ADAM20: variants seen among roughly 807,000 people sequenced by gnomAD.
ADAM20 encodes the protein disintegrin and metalloproteinase domain-containing protein 20.
For missense variants in ADAM20, 871 were observed against 883.2 expected (o/e 0.99, Z 0.18); for synonymous variants, 305 against 310.2 (o/e 0.98, Z 0.18).
At chr14:70,573,251 C>T in the ADAM20 span, among the ~76,000 whole-genome samples, 2 of 152,080 alleles carry the variant, frequency 1.3e-5, no homozygotes, top group African/African-American at 2.4e-5. Context: ...TACTACACAG[C>T]CATAAAAAAT....
rs747551951 is a variant in ADAM20 at position 70,522,633 on chromosome 14, A to G, written c.2125T>C (p.Cys709Arg). ...CGTTTCTTAAAAAGCACATGTAAGCAAAATAATAAAAAAGCAACCAAAGGA... is the reference window on the plus strand; with the variant it reads ...CGTTTCTTAAAAAGCACATGTAAGCGAAATAATAAAAAAGCAACCAAAGGA... ...LLPLVAFLLF[C>R]LHVLFKKRTK... Residue 709 changes from cysteine (C) to arginine (R), a missense_variant, in exon 2 of 2, where the codon TGC becomes CGC. By Grantham distance (180) the Cys-to-Arg change is radical (BLOSUM62 -3). Coordinates refer to ENST00000256389, the MANE Select transcript of ADAM20 (RefSeq NM_003814.5). The G allele has an allele frequency of 1.9e-6, 3 of 1,613,808 alleles. No homozygotes were observed. The South Asian group carries it at 3.3e-5, about 18-fold the overall frequency.
chr14:70,559,163 A>G, the ADAM20 span, among the ~76,000 whole-genome samples: 3 of 152,150 alleles, frequency 2.0e-5, no homozygotes, highest in East Asian at 1.9e-4. Flanking sequence ...CTGAAAATAA[A>G]TATGTCCAAA....
chr14:70,523,071 T>C lies in ADAM20; in HGVS notation c.1687A>G (p.Arg563Gly). The change falls in exon 2 of 2, where the codon AGG (arginine) becomes GGG (glycine). Residue 563 changes from arginine to glycine, a missense_variant. By Grantham distance (125) the Arg-to-Gly change is moderately radical. Coordinates refer to ENST00000256389, the MANE Select transcript of ADAM20 (RefSeq NM_003814.5). The part of the protein sequence containing the change: ...KCWTPDIMCG[R>G]VQCENVGVIP... ...ACTCCCACATTTTCACACTGAACCC[T>C]CCCACACATGATATCAGGGGTCCAA... 3 of 1,613,956 alleles carry C rather than the reference T, an allele frequency of 1.9e-6. No individual in the cohort carries two copies. Among genetic ancestry groups the C allele is most frequent in the Non-Finnish European group, 2.5e-6 (3 of 1,179,940 alleles).
intron 1 of ADAM20, 105 bp from the exon 2 acceptor site, chr14:70,525,038 C>T (rs1329565898): frequency 2.0e-6 from 2 of 986,124 alleles, no homozygotes; most frequent in African/African-American, 1.6e-5. Flanking sequence ...CAATAAAATG[C>T]ATTAGGATTC....
At chr14:70,526,074 T>G (rs1003105794) in intron 1 of ADAM20, among the ~76,000 whole-genome samples, 1 of 152,216 alleles carries the variant, frequency 6.6e-6, no homozygotes, top group African/African-American at 2.4e-5. Flanking sequence ...ATTCTAATGT[T>G]CAGAAGACCA....
chr14:70,534,685 T>A (rs1391064099), intron 1 of ADAM20, 112 bp downstream of exon 1: 2 of 152,342 alleles, frequency 1.3e-5, no homozygotes, highest in East Asian at 3.9e-4. Flanking sequence ...GAGGAGTTCC[T>A]GTTCAATGGA....
the ADAM20 span, among the ~76,000 whole-genome samples, chr14:70,540,370 A>C: frequency 3.9e-5 from 6 of 152,236 alleles, no homozygotes; most frequent in African/African-American, 1.2e-4. Flanking sequence ...CTTAAATCAA[A>C]TATTTTTAAG....
chr14:70,523,112 G>A lies in ADAM20; in HGVS notation c.1646C>T (p.Thr549Ile). 6.2e-7 allele frequency: 1 copy of A among 1,614,002 alleles called. No homozygotes were observed. The highest frequency in any genetic ancestry group is 8.5e-7 in the Non-Finnish European group (1 of 1,179,960). The change falls in exon 2 of 2, where the codon ACA becomes ATA. Residue 549 changes from threonine (T) to isoleucine (I), a missense_variant. Physicochemically the swap from Thr to Ile is moderately conservative, Grantham distance 89. Coordinates refer to ENST00000256389, the MANE Select transcript of ADAM20 (RefSeq NM_003814.5). ...NRFGHCGIVGTTYVKCWTPDI... is the reference protein window; with the variant it reads ...NRFGHCGIVGITYVKCWTPDI... ...AGGGGTCCAACATTTTACATATGTTGTGCCTACAATACCACAGTGACCGAA... is the reference window on the plus strand; with the variant it reads ...AGGGGTCCAACATTTTACATATGTTATGCCTACAATACCACAGTGACCGAA...
chr14:70,524,729 A>T lies in ADAM20; in HGVS notation c.29T>A (p.Ile10Asn). The T allele has an allele frequency of 6.2e-7, 1 of 1,613,966 alleles. No individual in the cohort carries two copies. The highest frequency in any genetic ancestry group is 8.5e-7 in the Non-Finnish European group (1 of 1,179,930). Residue 10 changes from isoleucine to asparagine, a missense_variant, in exon 2 of 2, where the codon ATC (isoleucine) becomes AAC (asparagine). Transcript: ENST00000256389. Reference protein sequence around the residue: MAVGEPLVHIRVTLLLLWFG... With the variant: MAVGEPLVHNRVTLLLLWFG... ...CCAGAGCAGCAGAAGAGTGACCCTGATGTGCACCAGGGGCTCACCCACTGC... is the reference window on the plus strand; with the variant it reads ...CCAGAGCAGCAGAAGAGTGACCCTGTTGTGCACCAGGGGCTCACCCACTGC...
the ADAM20 span, among the ~76,000 whole-genome samples, chr14:70,570,998 C>G: frequency 2.6e-5 from 4 of 152,096 alleles, no homozygotes; most frequent in African/African-American, 9.7e-5. Context: ...GAATTAAAAA[C>G]AAAACCTGTA....
At chr14:70,577,324 T>A in the ADAM20 span, among the ~76,000 whole-genome samples, 4 of 152,160 alleles carry the variant, frequency 2.6e-5, no homozygotes, top group Non-Finnish European at 5.9e-5. Context: ...AACATTTGGA[T>A]GAAAATGAAA....
At chr14:70,539,849 T>C (rs1195808558), upstream of ADAM20, among the ~76,000 whole-genome samples, 1 of 152,156 alleles carries the variant, frequency 6.6e-6, no homozygotes, top group Non-Finnish European at 1.5e-5. Flanking sequence ...CTGCCCTCAC[T>C]AAACTTAATA....
chr14:70,545,065 A>G, the ADAM20 span, among the ~76,000 whole-genome samples: 1 of 152,222 alleles, frequency 6.6e-6, no homozygotes, highest in Non-Finnish European at 1.5e-5. Flanking sequence ...TTTAAGCAAC[A>G]TGAGAAAACA....
At chr14:70,567,435 G>A in the ADAM20 span, among the ~76,000 whole-genome samples, 7,823 of 152,266 alleles carry the variant, frequency 0.051, 259 homozygotes, top group Middle Eastern at 0.099. Context: ...ATGCAGCACT[G>A]ATTGCTGAAG....
At chr14:70,558,217 A>G in the ADAM20 span, among the ~76,000 whole-genome samples, 2 of 152,242 alleles carry the variant, frequency 1.3e-5, no homozygotes, top group Admixed American at 1.3e-4. Flanking sequence ...ATAAAGGGAC[A>G]AAAATTATAA....
At chr14:70,529,481 T>C (rs1390626068) in intron 1 of ADAM20, among the ~76,000 whole-genome samples, 1 of 152,160 alleles carries the variant, frequency 6.6e-6, no homozygotes, top group East Asian at 1.9e-4. Flanking sequence ...CATCATAGAG[T>C]GTACTTCTAC....
the ADAM20 span, among the ~76,000 whole-genome samples, chr14:70,554,737 G>C: frequency 6.6e-6 from 1 of 152,188 alleles, no homozygotes; most frequent in Non-Finnish European, 1.5e-5. Flanking sequence ...GTGGTTGCTA[G>C]GAGCTAGGGG....
rs757075804 is a variant in ADAM20, at chr14:70,524,109, T to C, written c.649A>G (p.Asn217Asp). ...RFVELVVVVDNIRYLFSQSNA... is the reference protein window; with the variant it reads ...RFVELVVVVDDIRYLFSQSNA... ...CTTTGAGAGAAAAGATATCTAATAT[T>C]ATCCACGACCACTACCAGCTCAACA... Residue 217 changes from asparagine (N) to aspartate (D), a missense_variant, in exon 2 of 2, where the codon AAT becomes GAT. Asn to Asp is a conservative substitution (Grantham distance 23). Transcript: ENST00000256389. 8 of 1,613,748 alleles carry C rather than the reference T, an allele frequency of 5.0e-6. No homozygotes were observed. The Admixed American group carries it at 6.7e-5, about 13-fold the overall frequency.
At chr14:70,565,272 A>T in the ADAM20 span, among the ~76,000 whole-genome samples, 1 of 151,858 alleles carries the variant, frequency 6.6e-6, no homozygotes, top group Non-Finnish European at 1.5e-5. Context: ...AGAAATCTTA[A>T]GGAAATCATG....
Sources: gnomAD v4.1 joint callset for allele counts (sites outside exome capture counted in the v4.1 genomes callset) on GRCh38, gnomAD v4.1.1 for gene constraint, MANE v1.5 for transcripts, NCBI Gene and HGNC (gene_info 2026-07-23, HGNC 2026-07-21) for gene names.